AFG2A: variants seen among roughly 807,000 people sequenced by gnomAD.
AFG2A encodes the protein AAA ATPase AFG2A.
the AFG2A span, among the ~76,000 whole-genome samples, chr4:123,007,641 C>CAT: frequency 6.2e-5 from 1 of 16,208 alleles, no homozygotes; most frequent in African/African-American, 1.6e-4. Context: ...CACACACACA[C>CAT]AACACACACA....
the AFG2A span, among the ~76,000 whole-genome samples, chr4:123,313,418 T>C: frequency 6.6e-6 from 1 of 152,230 alleles, no homozygotes; most frequent in East Asian, 1.9e-4. Flanking sequence ...GAAAGGAATG[T>C]GGAAACTCTG....
chr4:123,063,956 CATAGAT>C, the AFG2A span, among the ~76,000 whole-genome samples: 12 of 152,112 alleles, frequency 7.9e-5, no homozygotes, highest in Non-Finnish European at 1.8e-4. Context: ...GTAAGTAGAG[CATAGAT>C]ATACTATTTG....
At chr4:123,260,117 A>G in the AFG2A span, 2 of 152,280 alleles carry the variant, frequency 1.3e-5, no homozygotes, top group Admixed American at 1.3e-4. Flanking sequence ...CATGCAACTC[A>G]TGATGTGGCA....
At chr4:123,018,528 T>C in the AFG2A span, among the ~76,000 whole-genome samples, 1 of 152,212 alleles carries the variant, frequency 6.6e-6, no homozygotes, top group African/African-American at 2.4e-5. Flanking sequence ...AGCTTTTGAA[T>C]TCCTCTTCTA....
chr4:123,185,823 G>A, the AFG2A span, among the ~76,000 whole-genome samples: 1 of 151,846 alleles, frequency 6.6e-6, no homozygotes, highest in Non-Finnish European at 1.5e-5. Context: ...TAGAAAATAT[G>A]CATTGTACAG....
At chr4:123,186,845 T>G in the AFG2A span, among the ~76,000 whole-genome samples, 1 of 152,032 alleles carries the variant, frequency 6.6e-6, no homozygotes, top group African/African-American at 2.4e-5. Flanking sequence ...CATTGGCCAT[T>G]CAAAGTGGGA....
At chr4:123,160,098 T>C in the AFG2A span, among the ~76,000 whole-genome samples, 5 of 152,064 alleles carry the variant, frequency 3.3e-5, no homozygotes, top group Non-Finnish European at 5.9e-5. Flanking sequence ...CTTTTTTCTT[T>C]CTATTTTACC....
the AFG2A span, among the ~76,000 whole-genome samples, chr4:123,070,631 C>A: frequency 6.6e-6 from 1 of 152,166 alleles, no homozygotes; most frequent in Non-Finnish European, 1.5e-5. Flanking sequence ...ACCTTCATGA[C>A]CTAATTACCT....
chr4:123,314,113 G>A, the AFG2A span: 1 of 1,428,352 alleles, frequency 7.0e-7, no homozygotes, highest in Non-Finnish European at 9.2e-7. Context: ...GAGAAAATTT[G>A]TTTCTTTTTA....
the AFG2A span, among the ~76,000 whole-genome samples, chr4:123,143,172 A>G: frequency 6.7e-6 from 1 of 150,238 alleles, no homozygotes; most frequent in Admixed American, 6.6e-5. Context: ...CTGTATTATT[A>G]GTTTTTCCAG....
the AFG2A span, among the ~76,000 whole-genome samples, chr4:123,117,111 C>T: frequency 6.6e-6 from 1 of 151,998 alleles, no homozygotes; most frequent in Non-Finnish European, 1.5e-5. Context: ...ATAAACTTGT[C>T]AGATGGGCAT....
the AFG2A span, among the ~76,000 whole-genome samples, chr4:122,991,094 C>A: frequency 9.2e-5 from 14 of 152,304 alleles, no homozygotes; most frequent in East Asian, 2.5e-3. Flanking sequence ...GGAGCAGCGA[C>A]TTTTTGTATT....
At chr4:123,174,674 T>A in the AFG2A span, among the ~76,000 whole-genome samples, 3 of 151,926 alleles carry the variant, frequency 2.0e-5, no homozygotes, top group Non-Finnish European at 4.4e-5. Flanking sequence ...TGAAGACTGG[T>A]TTACAAAATT....
chr4:123,146,451 A>G, the AFG2A span, among the ~76,000 whole-genome samples: 1 of 152,180 alleles, frequency 6.6e-6, no homozygotes, highest in Non-Finnish European at 1.5e-5. Context: ...CAAGATGGGT[A>G]AGGAAGTCAG....
At chr4:123,090,594 G>A in the AFG2A span, 1 of 1,614,104 alleles carries the variant, frequency 6.2e-7, no homozygotes. Context: ...TAGGTGCTGG[G>A]AATGTAGCCG....
the AFG2A span, among the ~76,000 whole-genome samples, chr4:123,058,607 A>G: frequency 2.0e-5 from 3 of 152,146 alleles, no homozygotes; most frequent in African/African-American, 4.8e-5. Flanking sequence ...CCTGGGCAAC[A>G]AGAGCGAAAC....
At chr4:123,203,608 C>G in the AFG2A span, among the ~76,000 whole-genome samples, 3 of 152,208 alleles carry the variant, frequency 2.0e-5, no homozygotes, top group African/African-American at 7.2e-5. Flanking sequence ...TGAGTAGTTA[C>G]ACTGCTTTAT....
chr4:123,219,196 A>C, the AFG2A span, among the ~76,000 whole-genome samples: 28 of 152,200 alleles, frequency 1.8e-4, no homozygotes, highest in African/African-American at 6.3e-4. Flanking sequence ...GTACAATTCC[A>C]CAGTCCAAAG....
chr4:122,948,383 A>G, the AFG2A span, among the ~76,000 whole-genome samples: 1 of 107,066 alleles, frequency 9.3e-6, no homozygotes, highest in African/African-American at 3.2e-5. Context: ...ACTTCTCCAG[A>G]GTATACACAC....
Sources: allele counts gnomAD v4.1 joint callset (sites outside exome capture counted in the v4.1 genomes callset), GRCh38; gene constraint gnomAD v4.1.1; transcripts MANE v1.5; gene names NCBI Gene and HGNC (gene_info 2026-07-23, HGNC 2026-07-21).